The following ZRANB3 variants were observed in gnomAD, a reference collection of about 807,000 sequenced individuals.
ZRANB3 encodes DNA annealing helicase and endonuclease ZRANB3.
In ZRANB3, 125 loss-of-function variants were observed where a neutral mutation model predicts 133.8. That is an observed-to-expected ratio of 0.93 (90% CI 0.81 to 1.08). The LOEUF (loss-of-function observed/expected upper bound fraction) is 1.08, where lower values mean the gene tolerates loss of function less well. ZRANB3 is among the 50% of genes least tolerant of loss of function. ZRANB3 has a pLI of 0.00. For synonymous variants in ZRANB3, 387 were observed against 432.7 expected (o/e 0.89, Z 1.31); for missense variants, 1,229 against 1,275.5 (o/e 0.96, Z 0.56).
chr2:135,283,829 A>C (rs968362837), intron 8 of ZRANB3, among the ~76,000 whole-genome samples: 2 of 151,854 alleles, frequency 1.3e-5, no homozygotes, highest in Non-Finnish European at 2.9e-5. Context: ...AAAATCACTA[A>C]TAGGAAGCCA....
intron 12 of ZRANB3, among the ~76,000 whole-genome samples, chr2:135,258,706 A>G (rs965382497): frequency 3.9e-5 from 6 of 152,192 alleles, no homozygotes; most frequent in Non-Finnish European, 7.3e-5. Flanking sequence ...CATAATAATT[A>G]CAAAGTGCTT....
At chr2:135,225,457 T>C (rs953892168) in intron 14 of ZRANB3, among the ~76,000 whole-genome samples, 2 of 152,198 alleles carry the variant, frequency 1.3e-5, no homozygotes, top group Non-Finnish European at 1.5e-5. Context: ...TTTTGTAAAT[T>C]CAAAAACGCA....
chr2:135,295,045 G>T (rs146391706), intron 8 of ZRANB3, among the ~76,000 whole-genome samples: 9 of 152,228 alleles, frequency 5.9e-5, no homozygotes, highest in African/African-American at 2.2e-4. Flanking sequence ...GATAGGTGTG[G>T]TGTGGTGCTG....
intron 6 of ZRANB3, among the ~76,000 whole-genome samples, chr2:135,328,645 TCCA>T: frequency 6.6e-6 from 1 of 152,334 alleles, no homozygotes. Context: ...CACACTGTCT[TCCA>T]CAATGGTTGA....
At chr2:135,276,427 G>A (rs565192293) in intron 8 of ZRANB3, among the ~76,000 whole-genome samples, 1 of 151,946 alleles carries the variant, frequency 6.6e-6, no homozygotes, top group Admixed American at 6.5e-5. Flanking sequence ...GGGACATATA[G>A]AACAATTATG....
At chr2:135,417,393 A>G (rs576921150) in intron 2 of ZRANB3, among the ~76,000 whole-genome samples, 78 of 152,168 alleles carry the variant, frequency 5.1e-4, no homozygotes, top group African/African-American at 1.7e-3. Context: ...GAGAAATGCA[A>G]ATCAAAACCA....
chr2:135,319,847 C>T (rs1157513556), intron 6 of ZRANB3, among the ~76,000 whole-genome samples: 2 of 152,142 alleles, frequency 1.3e-5, no homozygotes. Context: ...ATCCCAACAA[C>T]ACTTGGTGAT....
At chr2:135,413,389 G>A (rs1688400199) in intron 2 of ZRANB3, among the ~76,000 whole-genome samples, 2 of 152,142 alleles carry the variant, frequency 1.3e-5, no homozygotes, top group Admixed American at 1.3e-4. Flanking sequence ...TACAAAACCA[G>A]GTTTTAAGGC....
At position 135,264,483 on chromosome 2, in the gene ZRANB3, AAAAAG is replaced by A. The variant is rs925777579; in HGVS notation, c.1539+1046_1539+1050del. On this transcript the variant is annotated intron_variant, in intron 12 of 20. Transcript: ENST00000264159. ...AAGACTCTGTCTCAAAAAAAAAAAA[AAAAAG>A]AAAAGAAAAGAAAAGAAAAACCATT... Among the ~76,000 whole-genome samples the A allele has an allele frequency of 2.6e-4, 39 of 151,652 alleles. No individual in the cohort carries two copies. The East Asian group carries it at 5.6e-3, about 22-fold the overall frequency.
chr2:135,320,236 A>G (rs1439273309), intron 6 of ZRANB3, among the ~76,000 whole-genome samples: 1 of 152,266 alleles, frequency 6.6e-6, no homozygotes, highest in Non-Finnish European at 1.5e-5. Context: ...ATTAAGGTCC[A>G]TAGTTGCATG....
At chr2:135,515,877 G>A (rs1352044789) in intron 1 of ZRANB3, among the ~76,000 whole-genome samples, 1 of 151,994 alleles carries the variant, frequency 6.6e-6, no homozygotes, top group Non-Finnish European at 1.5e-5. Flanking sequence ...TTGACAGTGG[G>A]GCATTAAATC....
chr2:135,400,635 T>G (rs1337602233), intron 2 of ZRANB3, among the ~76,000 whole-genome samples: 1 of 152,234 alleles, frequency 6.6e-6, no homozygotes, highest in African/African-American at 2.4e-5. Flanking sequence ...AGAAACTTTC[T>G]TTAGGTCACT....
chr2:135,282,533 C>T (rs780366884), intron 8 of ZRANB3, among the ~76,000 whole-genome samples: 8 of 152,166 alleles, frequency 5.3e-5, no homozygotes, highest in Admixed American at 1.3e-4. Flanking sequence ...AGTTTCACTT[C>T]AAAAGATGGT....
intron 6 of ZRANB3, among the ~76,000 whole-genome samples, chr2:135,316,746 T>G (rs1683270492): frequency 6.6e-6 from 1 of 151,966 alleles, no homozygotes; most frequent in South Asian, 2.1e-4. Context: ...GGCGAGCAGA[T>G]CACGAGGTGA....
intron 2 of ZRANB3, among the ~76,000 whole-genome samples, chr2:135,418,961 G>A (rs112671039): frequency 2.1e-5 from 2 of 97,326 alleles, no homozygotes; most frequent in African/African-American, 4.8e-5. Context: ...TTTTTGAGAC[G>A]GAGTCTCGTT....
At chr2:135,401,776 T>G (rs1052067170) in intron 2 of ZRANB3, among the ~76,000 whole-genome samples, 1 of 152,164 alleles carries the variant, frequency 6.6e-6, no homozygotes, top group African/African-American at 2.4e-5. Context: ...AAACTCCTGT[T>G]AACTGCAGGA....
At chr2:135,511,023 C>T (rs902280559) in intron 1 of ZRANB3, 49 of 780,298 alleles carry the variant, frequency 6.3e-5, no homozygotes, top group Admixed American at 4.8e-4. Context: ...AATATTTCTT[C>T]GTTGTTCTCA....
At chr2:135,340,791 G>A (rs987494614) in intron 6 of ZRANB3, among the ~76,000 whole-genome samples, 1 of 139,614 alleles carries the variant, frequency 7.2e-6, no homozygotes, top group Non-Finnish European at 1.5e-5. Context: ...AGGAGGTGGA[G>A]GTTGCAATGA....
chr2:135,394,404 C>T (rs190062277), intron 2 of ZRANB3, among the ~76,000 whole-genome samples: 3 of 152,120 alleles, frequency 2.0e-5, no homozygotes, highest in Admixed American at 1.3e-4. Context: ...CATATACACT[C>T]TAAATAAAGA....
Sources: gnomAD v4.1 joint callset for allele counts (sites outside exome capture counted in the v4.1 genomes callset) on GRCh38, gnomAD v4.1.1 for gene constraint, MANE v1.5 for transcripts, NCBI Gene and HGNC (gene_info 2026-07-23, HGNC 2026-07-21) for gene names.